BMPR1B: variants seen among roughly 807,000 people sequenced by gnomAD.
The protein encoded by BMPR1B is bone morphogenetic protein receptor type-1B.
In BMPR1B, 12 loss-of-function variants were observed where a neutral mutation model predicts 59.1. The ratio of observed to expected loss-of-function variants is 0.20; its 90% CI spans 0.13 to 0.33. The LOEUF is 0.33. Ranked by LOEUF, BMPR1B falls within the 10% of genes least tolerant of loss-of-function variation. The pLI is 1.00. For synonymous variants in BMPR1B, 237 were observed against 207.3 expected (o/e 1.14, Z -1.23); for missense variants, 550 against 610.9 (o/e 0.90, Z 1.05).
intron 3 of BMPR1B, among the ~76,000 whole-genome samples, chr4:95,092,071 A>G (rs1003995521): frequency 4.6e-5 from 7 of 152,118 alleles, no homozygotes; most frequent in Admixed American, 3.3e-4. Context: ...TTCTAAATTC[A>G]TAGGTTATAA....
At chr4:95,086,267 A>G (rs562282407) in intron 3 of BMPR1B, among the ~76,000 whole-genome samples, 1 of 152,108 alleles carries the variant, frequency 6.6e-6, no homozygotes, top group Non-Finnish European at 1.5e-5. Flanking sequence ...TTTGTGTTTA[A>G]TAGAGGTTTT....
intron 2 of BMPR1B, among the ~76,000 whole-genome samples, chr4:94,930,567 G>A (rs1560552664): frequency 6.6e-6 from 1 of 152,062 alleles, no homozygotes; most frequent in Non-Finnish European, 1.5e-5. Flanking sequence ...GGGCTAGTAG[G>A]TATACAATGG....
In BMPR1B at chr4:95,062,144, G is replaced by A. The variant is rs185919260; in HGVS notation, c.-17-42264G>A. Among the ~76,000 whole-genome samples, 449 of 151,376 alleles carry A rather than the reference G, an allele frequency of 3.0e-3. 3 individuals carry two copies. The highest frequency in any genetic ancestry group is 0.01 in the African/African-American group (428 of 41,254). On this transcript the variant is annotated intron_variant, in intron 3 of 12. Coordinates refer to ENST00000515059, the MANE Select transcript of BMPR1B (RefSeq NM_001203.3). The stretch of plus-strand genomic sequence containing the variant: ...TTCATAAATCATGCATTCTCAGGTA[G>A]TTTTTTTTTATAGCAGTGTAAGAAC...
chr4:94,995,322 G>T (rs1721991172), intron 2 of BMPR1B, among the ~76,000 whole-genome samples: 1 of 152,090 alleles, frequency 6.6e-6, no homozygotes, highest in Non-Finnish European at 1.5e-5. Flanking sequence ...AATATATGAT[G>T]TATCTGATTA....
chr4:94,814,372 G>A (rs530917407), intron 1 of BMPR1B, among the ~76,000 whole-genome samples: 92 of 152,256 alleles, frequency 6.0e-4, no homozygotes, highest in African/African-American at 2.1e-3. Context: ...TAAACATTAT[G>A]CTTACTAATT....
intron 3 of BMPR1B, among the ~76,000 whole-genome samples, chr4:95,013,835 G>T (rs990539097): frequency 1.3e-5 from 2 of 152,100 alleles, no homozygotes; most frequent in Non-Finnish European, 2.9e-5. Context: ...TAATTAGATT[G>T]TAGTGGTTTT....
intron 1 of BMPR1B, among the ~76,000 whole-genome samples, chr4:94,778,136 C>T (rs1027796390): frequency 3.9e-5 from 6 of 152,028 alleles, no homozygotes; most frequent in African/African-American, 1.2e-4. Context: ...ATCCAATAGT[C>T]AGCTTGTGAA....
intron 2 of BMPR1B, among the ~76,000 whole-genome samples, chr4:94,991,151 G>C (rs972780886): frequency 4.6e-5 from 7 of 151,920 alleles, no homozygotes; most frequent in Middle Eastern, 3.2e-3. Context: ...CCTTGACTCT[G>C]TCCTCATTCA....
At position 95,139,733 on chromosome 4, in the gene BMPR1B, C is replaced by A. The variant is rs1034922331; in HGVS notation, c.1076+8221C>A. 2.3e-4 allele frequency among the ~76,000 whole-genome samples: 35 copies of A among 152,202 alleles called. 4 individuals carry two copies. ...CGAGCCGGGCGTGGGACCCTCGGAGCCATGCGCGGGATATAATCTCCTGGT... is the reference window on the plus strand; with the variant it reads ...CGAGCCGGGCGTGGGACCCTCGGAGACATGCGCGGGATATAATCTCCTGGT... On this transcript the variant is annotated intron_variant, in intron 10 of 12. Coordinates refer to ENST00000515059, the MANE Select transcript of BMPR1B (RefSeq NM_001203.3).
At chr4:94,996,708 C>T (rs1338745066) in intron 3 of BMPR1B, among the ~76,000 whole-genome samples, 1 of 152,156 alleles carries the variant, frequency 6.6e-6, no homozygotes, top group African/African-American at 2.4e-5. Flanking sequence ...TCTTCCTAAT[C>T]CACGGTGCCA....
intron 1 of BMPR1B, among the ~76,000 whole-genome samples, chr4:94,765,537 A>C (rs996815247): frequency 2.0e-5 from 3 of 152,232 alleles, no homozygotes. Flanking sequence ...ATTAAGAGGC[A>C]CTTGAGAATA....
At chr4:94,994,627 T>C (rs1721945150) in intron 2 of BMPR1B, among the ~76,000 whole-genome samples, 1 of 152,216 alleles carries the variant, frequency 6.6e-6, no homozygotes, top group Non-Finnish European at 1.5e-5. Flanking sequence ...ATTAGATGAA[T>C]ATTAATTTTT....
chr4:95,016,611 G>A (rs926859555), intron 3 of BMPR1B, among the ~76,000 whole-genome samples: 3 of 152,142 alleles, frequency 2.0e-5, no homozygotes, highest in Admixed American at 1.3e-4. Context: ...AGAGATAAGA[G>A]AAAAGAATGG....
intron 4 of BMPR1B, among the ~76,000 whole-genome samples, chr4:95,110,885 T>TA (rs3839110): frequency 0.18 from 27,155 of 152,030 alleles, 3,420 homozygotes; most frequent in African/African-American, 0.35. Context: ...GTTAATGGAC[T>TA]AAAAAGCTGC....
At chr4:95,098,813 T>C (rs1383671196) in intron 3 of BMPR1B, among the ~76,000 whole-genome samples, 3 of 152,012 alleles carry the variant, frequency 2.0e-5, no homozygotes, top group Non-Finnish European at 2.9e-5. Flanking sequence ...ACCTCCCAGG[T>C]TCACACCATT....
intron 1 of BMPR1B, among the ~76,000 whole-genome samples, chr4:94,857,436 A>G (rs994719333): frequency 7.9e-5 from 12 of 152,216 alleles, no homozygotes; most frequent in Non-Finnish European, 1.5e-4. Context: ...TAAAATGACA[A>G]CAGAATTTGG....
intron 3 of BMPR1B, among the ~76,000 whole-genome samples, chr4:95,000,632 G>A (rs1722379301): frequency 6.6e-6 from 1 of 152,142 alleles, no homozygotes; most frequent in African/African-American, 2.4e-5. Context: ...AATATTATAT[G>A]ATTGGGATGG....
At chr4:95,148,608 C>A in intron 10 of BMPR1B, 140 bp from the exon 11 acceptor site, 2 of 873,782 alleles carry the variant, frequency 2.3e-6, no homozygotes. Context: ...AAGAAATATT[C>A]TTTAAGAAAT....
chr4:95,134,016 A>G (rs1733580567), intron 10 of BMPR1B, among the ~76,000 whole-genome samples: 1 of 151,918 alleles, frequency 6.6e-6, no homozygotes, highest in South Asian at 2.1e-4. Context: ...TCCTAATGCT[A>G]TCCCTCCCCC....
Sources: gnomAD v4.1 joint callset for allele counts (sites outside exome capture counted in the v4.1 genomes callset) on GRCh38, gnomAD v4.1.1 for gene constraint, MANE v1.5 for transcripts, NCBI Gene and HGNC (gene_info 2026-07-23, HGNC 2026-07-21) for gene names.